The following ABTB3 variants were observed in gnomAD, a reference collection of about 807,000 sequenced individuals.
The protein encoded by ABTB3 is ankyrin repeat- and BTB/POZ domain-containing protein 3.
chr12:107,602,129 G>A, the ABTB3 span, among the ~76,000 whole-genome samples: 2 of 152,180 alleles, frequency 1.3e-5, no homozygotes, highest in Admixed American at 6.5e-5. Context: ...GCCTGGTAGG[G>A]TAGGCCCACG....
chr12:107,610,435 AT>A, the ABTB3 span: 1 of 1,553,082 alleles, frequency 6.4e-7, no homozygotes, highest in Non-Finnish European at 8.8e-7. Context: ...CAGCCGGTGA[AT>A]CCCCTCTGCA....
chr12:107,651,599 C>T, the ABTB3 span: 16 of 991,066 alleles, frequency 1.6e-5, no homozygotes, highest in Non-Finnish European at 2.1e-5. Flanking sequence ...GACTGTCTCA[C>T]CACTATAGTT....
the ABTB3 span, among the ~76,000 whole-genome samples, chr12:107,345,847 G>A: frequency 6.6e-6 from 1 of 152,182 alleles, no homozygotes; most frequent in Non-Finnish European, 1.5e-5. Context: ...AATGAATGAC[G>A]AGCTAGAGAA....
chr12:107,511,828 C>G, the ABTB3 span, among the ~76,000 whole-genome samples: 1 of 152,140 alleles, frequency 6.6e-6, no homozygotes, highest in Non-Finnish European at 1.5e-5. Context: ...GACTGGAAAG[C>G]ATAACACTGC....
At chr12:107,542,703 C>T in the ABTB3 span, among the ~76,000 whole-genome samples, 1 of 152,126 alleles carries the variant, frequency 6.6e-6, no homozygotes, top group Non-Finnish European at 1.5e-5. Context: ...AGAAGCCTTA[C>T]TGGTAACATA....
chr12:107,577,596 C>T, the ABTB3 span, among the ~76,000 whole-genome samples: 3 of 152,032 alleles, frequency 2.0e-5, no homozygotes, highest in Admixed American at 6.6e-5. Context: ...GCAGGAAGCC[C>T]ATCAAGGCTT....
chr12:107,389,846 TTGTGTGTGTGTGTGTGTGTG>T, the ABTB3 span, among the ~76,000 whole-genome samples: 4 of 141,474 alleles, frequency 2.8e-5, no homozygotes, highest in South Asian at 2.3e-4. Context: ...GTGTGTGTGT[TTGTGTGTGTGTGTGTGTGTG>T]TGTGTGTGTG....
At chr12:107,619,003 G>T in the ABTB3 span, among the ~76,000 whole-genome samples, 13 of 152,314 alleles carry the variant, frequency 8.5e-5, no homozygotes, top group African/African-American at 2.9e-4. Context: ...GGCTAGCCTA[G>T]CCTTCACCAG....
chr12:107,535,004 G>A, the ABTB3 span, among the ~76,000 whole-genome samples: 69 of 152,116 alleles, frequency 4.5e-4, no homozygotes, highest in East Asian at 0.011. Context: ...GAAAATTATA[G>A]ATCAATATCC....
the ABTB3 span, among the ~76,000 whole-genome samples, chr12:107,370,449 G>A: frequency 6.6e-6 from 1 of 152,254 alleles, no homozygotes; most frequent in Non-Finnish European, 1.5e-5. Flanking sequence ...AGCCGGGAAT[G>A]TTGGACGAGT....
At chr12:107,338,116 G>T in the ABTB3 span, among the ~76,000 whole-genome samples, 1 of 152,136 alleles carries the variant, frequency 6.6e-6, no homozygotes, top group East Asian at 1.9e-4. Context: ...ATCTGAGCCG[G>T]TTTAACCTAA....
chr12:107,536,623 AT>A, the ABTB3 span, among the ~76,000 whole-genome samples: 1 of 152,214 alleles, frequency 6.6e-6, no homozygotes, highest in African/African-American at 2.4e-5. Flanking sequence ...CAACAAGTAT[AT>A]TTTTAAGTGC....
the ABTB3 span, among the ~76,000 whole-genome samples, chr12:107,627,188 C>T: frequency 6.6e-6 from 1 of 152,254 alleles, no homozygotes; most frequent in African/African-American, 2.4e-5. Context: ...TTGTGTGTAG[C>T]AACTGATTGG....
At chr12:107,380,026 C>T in the ABTB3 span, among the ~76,000 whole-genome samples, 3 of 152,120 alleles carry the variant, frequency 2.0e-5, no homozygotes, top group South Asian at 6.2e-4. Flanking sequence ...ATTCTCAGGC[C>T]CCTTGCAGCC....
the ABTB3 span, among the ~76,000 whole-genome samples, chr12:107,412,359 C>T: frequency 9.2e-5 from 14 of 152,312 alleles, no homozygotes; most frequent in East Asian, 1.9e-4. Flanking sequence ...TGTGCCTTCA[C>T]GCTGACTGTC....
chr12:107,469,163 G>A, the ABTB3 span, among the ~76,000 whole-genome samples: 1 of 152,202 alleles, frequency 6.6e-6, no homozygotes, highest in Non-Finnish European at 1.5e-5. Flanking sequence ...GCCACCAGCA[G>A]CTCTGGACGG....
chr12:107,411,916 GA>G, the ABTB3 span, among the ~76,000 whole-genome samples: 1 of 152,188 alleles, frequency 6.6e-6, no homozygotes, highest in East Asian at 1.9e-4. Context: ...TCTGGGGACT[GA>G]GAGCAAGTCC....
At chr12:107,401,672 G>A in the ABTB3 span, among the ~76,000 whole-genome samples, 16 of 152,188 alleles carry the variant, frequency 1.1e-4, no homozygotes, top group Admixed American at 9.8e-4. Flanking sequence ...ATTATCAGTG[G>A]TTGCCTCTGG....
At chr12:107,515,778 G>A in the ABTB3 span, among the ~76,000 whole-genome samples, 1 of 152,280 alleles carries the variant, frequency 6.6e-6, no homozygotes, top group South Asian at 2.1e-4. Flanking sequence ...CCTGAAAGCT[G>A]AGGGTTCCTA....
Sources: allele counts gnomAD v4.1 joint callset (sites outside exome capture counted in the v4.1 genomes callset), GRCh38; gene constraint gnomAD v4.1.1; transcripts MANE v1.5; gene names NCBI Gene and HGNC (gene_info 2026-07-23, HGNC 2026-07-21).